Variants in SULF2 observed in about 807,000 individuals in gnomAD.
SULF2 encodes the protein extracellular sulfatase Sulf-2.
SULF2 carries 52 observed loss-of-function variants against 107.7 expected under a neutral mutation model. That is an observed-to-expected ratio of 0.48 (90% confidence interval 0.39 to 0.61). The LOEUF (loss-of-function observed/expected upper bound fraction) is 0.61, where lower values mean the gene tolerates loss of function less well. SULF2 is among the 20% of genes least tolerant of loss of function. The pLI is 0.00. For synonymous variants in SULF2, 460 were observed against 464.3 expected, an observed-to-expected ratio of 0.99 and a Z score of 0.12; for missense variants, 993 against 1,177.3, an observed-to-expected ratio of 0.84 and a Z score of 2.29.
intron 7 of SULF2, among the ~76,000 whole-genome samples, chr20:47,681,754 C>T (rs1437104585): frequency 6.6e-5 from 10 of 152,180 alleles, no homozygotes; most frequent in African/African-American, 9.7e-5. Flanking sequence ...GGCATGATCT[C>T]GGCTCACTGC....
intron 3 of SULF2, among the ~76,000 whole-genome samples, chr20:47,715,414 C>T (rs1318020005): frequency 6.6e-6 from 1 of 152,168 alleles, no homozygotes; most frequent in Non-Finnish European, 1.5e-5. Context: ...CCCATGAGGG[C>T]AGCGGCTTTC....
chr20:47,746,592 C>G (rs1275754464), intron 2 of SULF2, among the ~76,000 whole-genome samples: 1 of 152,156 alleles, frequency 6.6e-6, no homozygotes, highest in African/African-American at 2.4e-5. Context: ...ATAGCTCTGT[C>G]TCCAGCAGAG....
At chr20:47,659,650 C>T in intron 19 of SULF2, 47 bp downstream of exon 19, 1 of 1,551,318 alleles carries the variant, frequency 6.4e-7, no homozygotes, top group Non-Finnish European at 8.9e-7. Context: ...GAAGGATGGG[C>T]CAAGATAGGA....
At chr20:47,663,733 G>T in intron 15 of SULF2, 111 bp from the exon 16 acceptor site, 1 of 1,264,624 alleles carries the variant, frequency 7.9e-7, no homozygotes. Flanking sequence ...CCAACAGAGA[G>T]CCATGGGCAT....
chr20:47,659,672 A>G lies in SULF2; in HGVS notation c.2528+25T>C, dbSNP rs757938672. 2.5e-6 allele frequency: 4 copies of G among 1,599,766 alleles called. No homozygotes were observed. The South Asian group carries it at 3.3e-5, about 13-fold the overall frequency. On this transcript the variant is annotated intron_variant, in intron 19 of 20. Transcript: ENST00000688720. ...GGGCCAAGATAGGAGAACTTTGTTTAGGCTTTAATAATAAAACGAAATACC... is the reference window on the plus strand; with the variant it reads ...GGGCCAAGATAGGAGAACTTTGTTTGGGCTTTAATAATAAAACGAAATACC...
chr20:47,773,150 C>T (rs2090663371), intron 1 of SULF2, among the ~76,000 whole-genome samples: 1 of 152,220 alleles, frequency 6.6e-6, no homozygotes, highest in African/African-American at 2.4e-5. Flanking sequence ...TCCAATCTTT[C>T]CTGAGCACCT....
intron 3 of SULF2, among the ~76,000 whole-genome samples, chr20:47,703,436 A>G (rs1282256878): frequency 6.6e-6 from 1 of 152,106 alleles, no homozygotes; most frequent in African/African-American, 2.4e-5. Flanking sequence ...TTTTTTTCCC[A>G]TTGAAGTTTG....
chr20:47,713,472 A>G (rs144381960), intron 3 of SULF2, among the ~76,000 whole-genome samples: 127 of 152,272 alleles, frequency 8.3e-4, no homozygotes, highest in African/African-American at 3.0e-3. Context: ...GGCTTTAAAG[A>G]GCTTGGTTTG....
At position 47,666,047 on chromosome 20, in the gene SULF2, G is replaced by A; in HGVS notation, c.1806-94C>T. 11 of 1,581,864 alleles carry A rather than the reference G, an allele frequency of 7.0e-6. No individual in the cohort carries two copies. Among genetic ancestry groups the A allele is most frequent in the Non-Finnish European group, 9.5e-6 (11 of 1,152,030 alleles). ...GTGTGGGAAGCCCTTGCCGAGGTCTGTCCTGTCCCCTTCACCCTCGACTTC... is the reference window on the plus strand; with the variant it reads ...GTGTGGGAAGCCCTTGCCGAGGTCTATCCTGTCCCCTTCACCCTCGACTTC... On this transcript the variant is annotated intron_variant, in intron 12 of 20. Transcript: ENST00000688720. The surrounding 1 kb of genome is among the most constrained non-coding windows in gnomAD (Gnocchi z 5.4).
intron 3 of SULF2, among the ~76,000 whole-genome samples, chr20:47,713,731 C>T (rs777895998): frequency 7.2e-4 from 106 of 148,074 alleles, no homozygotes; most frequent in Non-Finnish European, 1.2e-3. Flanking sequence ...GCCTGGGCAA[C>T]GGAGTGAGAT....
At chr20:47,750,202 G>C (rs139752952) in intron 2 of SULF2, among the ~76,000 whole-genome samples, 2,760 of 152,186 alleles carry the variant, frequency 0.018, 73 homozygotes, top group African/African-American at 0.06. Flanking sequence ...GGATGGTCTC[G>C]ATCTCCTGAC....
At chr20:47,703,505 G>T (rs1193337426) in intron 3 of SULF2, among the ~76,000 whole-genome samples, 2 of 152,188 alleles carry the variant, frequency 1.3e-5, no homozygotes, top group Non-Finnish European at 2.9e-5. Context: ...TTAAAGAAAT[G>T]GGCAACACCT....
intron 1 of SULF2, among the ~76,000 whole-genome samples, chr20:47,779,807 A>G (rs2090790800): frequency 6.6e-6 from 1 of 152,034 alleles, no homozygotes. Flanking sequence ...GGGTTTCACC[A>G]TGTTGGCCAG....
intron 4 of SULF2, among the ~76,000 whole-genome samples, chr20:47,701,980 T>TAA (rs923962016): frequency 7.9e-5 from 12 of 152,352 alleles, no homozygotes; most frequent in Middle Eastern, 3.4e-3. Flanking sequence ...GTACTTTCTG[T>TAA]AAGAATATTC....
At chr20:47,785,711 GGGGAGGCGGGCGC>G (rs2090920442), upstream of SULF2, 2 of 147,470 alleles carry the variant, frequency 1.4e-5, no homozygotes, top group Admixed American at 1.3e-4. Context: ...CCTCCACGCA[GGGGAGGCGGGCGC>G]GCTCCGGGGC....
chr20:47,659,498 A>G, intron 19 of SULF2, 46 bp from the exon 20 acceptor site: 1 of 1,592,184 alleles, frequency 6.3e-7, no homozygotes, highest in Non-Finnish European at 8.6e-7. Context: ...ACCATCACCA[A>G]GAAAGAAAAA....
At chr20:47,780,605 G>A (rs1206038399) in intron 1 of SULF2, among the ~76,000 whole-genome samples, 3 of 152,038 alleles carry the variant, frequency 2.0e-5, no homozygotes, top group African/African-American at 7.3e-5. Flanking sequence ...CCAGGCTGGA[G>A]TGCAGTAGTG....
chr20:47,670,898 C>T (rs114155488), intron 11 of SULF2, among the ~76,000 whole-genome samples: 2,018 of 151,956 alleles, frequency 0.013, 44 homozygotes, highest in African/African-American at 0.046. Flanking sequence ...TTAAAAACAA[C>T]ACCTAAAATC....
In SULF2 at chr20:47,691,696, G is replaced by A. The variant is rs146711052; in HGVS notation, c.568-1401C>T. On this transcript the variant is annotated intron_variant, in intron 4 of 20. Coordinates refer to ENST00000688720, the MANE Select transcript of SULF2 (RefSeq NM_001387048.1). ...TTGGAAAGAGGATAAAATGTCAGAG[G>A]GTAAAATGCAGAAATGATATAAGGA... 4.3e-3 allele frequency among the ~76,000 whole-genome samples: 654 copies of A among 152,100 alleles called. 3 individuals carry two copies. The highest frequency in any genetic ancestry group is 0.015 in the African/African-American group (621 of 41,478).
Sources: gnomAD v4.1 joint callset for allele counts (sites outside exome capture counted in the v4.1 genomes callset) on GRCh38, gnomAD v4.1.1 for gene constraint, Gnocchi (gnomAD v3.1) non-coding constraint, MANE v1.5 for transcripts, NCBI Gene and HGNC (gene_info 2026-07-23, HGNC 2026-07-21) for gene names.